Variants in TRIM37 observed in about 807,000 individuals in gnomAD.
TRIM37 encodes the protein E3 ubiquitin-protein ligase TRIM37.
TRIM37 carries 80 observed loss-of-function variants against 129.8 expected under a neutral mutation model. The ratio of observed to expected loss-of-function variants is 0.62; its 90% CI spans 0.51 to 0.74. TRIM37 has a LOEUF of 0.74. Ranked by LOEUF, TRIM37 falls within the 30% of genes least tolerant of loss-of-function variation. The pLI, the probability that TRIM37 is intolerant of heterozygous loss-of-function variation, is 0.00. For synonymous variants in TRIM37, 389 were observed against 387.1 expected, an observed-to-expected ratio of 1.00 and a Z score of -0.06; for missense variants, 1,054 against 1,176.5, an observed-to-expected ratio of 0.90 and a Z score of 1.52.
intron 3 of TRIM37, among the ~76,000 whole-genome samples, chr17:59,089,004 G>A (rs975481025): frequency 3.9e-5 from 6 of 152,162 alleles, no homozygotes; most frequent in Non-Finnish European, 4.4e-5. Flanking sequence ...GCTCGCGCCT[G>A]TAATCCCAGC....
chr17:59,068,012 T>C (rs2042055291), intron 9 of TRIM37, among the ~76,000 whole-genome samples: 2 of 152,238 alleles, frequency 1.3e-5, no homozygotes. Context: ...GCTTTGCATA[T>C]CTAAAGTTTC....
chr17:59,018,951 G>A (rs2036261016), intron 19 of TRIM37, among the ~76,000 whole-genome samples: 1 of 152,042 alleles, frequency 6.6e-6, no homozygotes, highest in Non-Finnish European at 1.5e-5. Context: ...ACTGATTTTT[G>A]ACAAGGATGC....
At chr17:59,010,036 C>G (rs1399316134) in intron 22 of TRIM37, among the ~76,000 whole-genome samples, 1 of 152,178 alleles carries the variant, frequency 6.6e-6, no homozygotes, top group South Asian at 2.1e-4. Flanking sequence ...TTTTCAACTG[C>G]TCTCCTTGCC....
At position 59,088,319 on chromosome 17, in the gene TRIM37, T is replaced by C; in HGVS notation, c.253A>G (p.Thr85Ala). Residue 85 changes from threonine to alanine, a missense_variant, in exon 4 of 24, where the codon ACC becomes GCC. Around this residue, in one of 3 missense-constraint regions of TRIM37, gnomAD observed 752 missense variants for 870.8 expected, o/e 0.86. Coordinates refer to ENST00000262294, the MANE Select transcript of TRIM37 (RefSeq NM_015294.6). Reference protein sequence around the residue: ...QLDTLQLCSLTKHEENEKDKC... With the variant: ...QLDTLQLCSLAKHEENEKDKC... ...TCCTTTTCATTTTCTTCATGTTTGG[T>C]GAGACTGCAGAGTTGAAGAGTATCA... 1 of 1,612,834 alleles carries C rather than the reference T, an allele frequency of 6.2e-7. No individual in the cohort carries two copies. The highest frequency in any genetic ancestry group is 8.5e-7 in the Non-Finnish European group (1 of 1,179,070).
intron 1 of TRIM37, 191 bp from the exon 2 acceptor site, chr17:59,104,585 T>C: frequency 1.3e-6 from 1 of 748,952 alleles, no homozygotes; most frequent in Non-Finnish European, 2.4e-6. Context: ...TCCCGTTTGG[T>C]TTCACGATGA....
In TRIM37 at chr17:59,012,227, G is replaced by GCAGCAGCAGCAGCACCAC. The variant is rs72443487; in HGVS notation, c.2695+100_2695+101insGTGGTGCTGCTGCTGCTG. The GCAGCAGCAGCAGCACCAC allele has an allele frequency of 1.4e-3, 884 of 611,790 alleles. 4 individuals carry two copies. The highest frequency in any genetic ancestry group is 9.4e-3 in the African/African-American group (469 of 49,648). 37.9% of individuals were successfully genotyped at this position (611,790 alleles called of 1,614,324 possible). ...CCTATCACTACCACCAGCAGCAGCA[G>GCAGCAGCAGCAGCACCAC]CACCACCACCACCACCACCACCACC... On this transcript the variant is annotated intron_variant, in intron 22 of 23. Transcript: ENST00000262294.
chr17:58,995,574 TAAA>T (rs1469607003), downstream of TRIM37, among the ~76,000 whole-genome samples: 1 of 152,054 alleles, frequency 6.6e-6, no homozygotes, highest in African/African-American at 2.4e-5. Context: ...GTAGCTGATA[TAAA>T]TAAGTAGCTG....
At chr17:58,967,445 G>A in the TRIM37 span, among the ~76,000 whole-genome samples, 1 of 151,122 alleles carries the variant, frequency 6.6e-6, no homozygotes, top group East Asian at 2.0e-4. Flanking sequence ...TAAAAATGAC[G>A]AAAAGTAGGC....
intron 13 of TRIM37, among the ~76,000 whole-genome samples, chr17:59,056,504 C>T (rs949522887): frequency 7.3e-5 from 11 of 151,450 alleles, no homozygotes; most frequent in African/African-American, 2.2e-4. Flanking sequence ...CCGAGGCGGG[C>T]GGATCACGAG....
chr17:58,992,302 T>A, intron 24 of TRIM37, among the ~76,000 whole-genome samples: 1 of 130,086 alleles, frequency 7.7e-6, no homozygotes, highest in East Asian at 2.1e-4. Context: ...TATATTTATA[T>A]ATATATAAAT....
At chr17:59,095,974 G>C (rs1305034979) in intron 2 of TRIM37, among the ~76,000 whole-genome samples, 1 of 152,050 alleles carries the variant, frequency 6.6e-6, no homozygotes, top group East Asian at 1.9e-4. Flanking sequence ...CCATCTTTGG[G>C]CCTCCCAACG....
Position 59,088,364 on chromosome 17 carries a change from C to G in TRIM37, c.208G>C (p.Glu70Gln). The stretch of plus-strand genomic sequence containing the variant: ...GTATCAAGCTGTTGTGTTACTTCTT[C>G]TGCCCAACGACAATTTACTAGTTCT... ...LRELVNCRWA[E>Q]EVTQQLDTLQ... Residue 70 changes from glutamate (E) to glutamine (Q), a missense_variant, in exon 4 of 24, where the codon GAA (glutamate) becomes CAA (glutamine). By Grantham distance (29) the Glu-to-Gln change is conservative (BLOSUM62 2). Coordinates refer to ENST00000262294, the MANE Select transcript of TRIM37 (RefSeq NM_015294.6). 1 of 1,613,908 alleles carries G rather than the reference C, an allele frequency of 6.2e-7. No homozygotes were observed.
At chr17:58,969,068 G>A in the TRIM37 span, among the ~76,000 whole-genome samples, 1 of 152,080 alleles carries the variant, frequency 6.6e-6, no homozygotes, top group East Asian at 1.9e-4. Flanking sequence ...TGATTTAATT[G>A]GCCTTGTGTT....
chr17:59,003,074 G>A (rs566964353), intron 22 of TRIM37, among the ~76,000 whole-genome samples: 4 of 152,118 alleles, frequency 2.6e-5, no homozygotes, highest in East Asian at 3.9e-4. Flanking sequence ...ATGGGATTTC[G>A]CCATGTTGCC....
At chr17:58,995,789 G>A (rs2032927862), downstream of TRIM37, among the ~76,000 whole-genome samples, 1 of 152,054 alleles carries the variant, frequency 6.6e-6, no homozygotes, top group Non-Finnish European at 1.5e-5. Flanking sequence ...AGCACTTTTG[G>A]AGGCTGAGAC....
At chr17:59,102,338 G>C (rs2045590118) in intron 2 of TRIM37, among the ~76,000 whole-genome samples, 1 of 152,172 alleles carries the variant, frequency 6.6e-6, no homozygotes, top group African/African-American at 2.4e-5. Context: ...GTAACAACCA[G>C]AGACCATAAG....
intron 13 of TRIM37, among the ~76,000 whole-genome samples, chr17:59,056,162 A>G (rs2040847349): frequency 6.6e-6 from 1 of 152,130 alleles, no homozygotes; most frequent in African/African-American, 2.4e-5. Context: ...AGACAAATGG[A>G]ACATTACTAT....
chr17:59,095,892 A>AT (rs1412989808), intron 2 of TRIM37, among the ~76,000 whole-genome samples: 2 of 151,666 alleles, frequency 1.3e-5, no homozygotes, highest in Non-Finnish European at 2.9e-5. Flanking sequence ...TAATTTTTTA[A>AT]TTTTTTTTGC....
chr17:59,001,194 C>T (rs1391705472), intron 23 of TRIM37, among the ~76,000 whole-genome samples: 7 of 129,186 alleles, frequency 5.4e-5, no homozygotes, highest in Admixed American at 1.7e-4. Flanking sequence ...GACTCCATCT[C>T]GGGGCAAAAA....
Sources: allele counts gnomAD v4.1 joint callset (sites outside exome capture counted in the v4.1 genomes callset), GRCh38; gene constraint gnomAD v4.1.1; regional missense constraint gnomAD v4.1.1; transcripts MANE v1.5; gene names NCBI Gene and HGNC (gene_info 2026-07-23, HGNC 2026-07-21).